The following AGBL4 variants were observed in gnomAD, a reference collection of about 807,000 sequenced individuals.
The protein encoded by AGBL4 is cytosolic carboxypeptidase 6.
Under a neutral mutation model 66.4 loss-of-function variants are expected in AGBL4, and 58 were observed. The ratio of observed to expected loss-of-function variants is 0.87; its 90% CI spans 0.71 to 1.09. The LOEUF is 1.09. Ranked by LOEUF, AGBL4 falls within the 50% of genes least tolerant of loss-of-function variation. The pLI is 0.00. For synonymous variants in AGBL4, 234 were observed against 222.9 expected, an observed-to-expected ratio of 1.05 and a Z score of -0.44; for missense variants, 579 against 631.0, an observed-to-expected ratio of 0.92 and a Z score of 0.88.
At chr1:49,002,236 G>A (rs1466187990) in intron 5 of AGBL4, among the ~76,000 whole-genome samples, 3 of 152,168 alleles carry the variant, frequency 2.0e-5, no homozygotes, top group Non-Finnish European at 4.4e-5. Flanking sequence ...CTTCTCAGAG[G>A]AGGCAGTATT....
chr1:48,581,568 C>A (rs190934443), intron 11 of AGBL4, among the ~76,000 whole-genome samples: 1 of 152,166 alleles, frequency 6.6e-6, no homozygotes, highest in Non-Finnish European at 1.5e-5. Flanking sequence ...TTTTTCAAAT[C>A]GTTTGAACAG....
At position 49,642,631 on chromosome 1, in the gene AGBL4, G is replaced by A. The variant is rs1018335572; in HGVS notation, c.282+54682C>T. ...AAAGGATTAAAAGGAACAAACCTTC[G>A]TGCTCACACTAGATGAAAAACCGTT... On this transcript the variant is annotated intron_variant, in intron 3 of 13. Coordinates refer to ENST00000371839, the MANE Select transcript of AGBL4 (RefSeq NM_032785.4). Among the ~76,000 whole-genome samples, 7 of 151,954 alleles carry A rather than the reference G, an allele frequency of 4.6e-5. No individual in the cohort carries two copies. The South Asian group carries it at 6.2e-4, about 14-fold the overall frequency.
intron 3 of AGBL4, among the ~76,000 whole-genome samples, chr1:49,384,476 C>A (rs1263221264): frequency 6.6e-6 from 1 of 151,596 alleles, no homozygotes; most frequent in East Asian, 2.0e-4. Flanking sequence ...ACCTGTAGGC[C>A]CAGCTACTTG....
intron 1 of AGBL4, among the ~76,000 whole-genome samples, chr1:49,927,221 T>A (rs892708962): frequency 6.6e-6 from 1 of 152,170 alleles, no homozygotes; most frequent in African/African-American, 2.4e-5. Context: ...ATCAATACTT[T>A]GCATCTACAA....
At chr1:48,871,765 G>A (rs933000585) in intron 5 of AGBL4, among the ~76,000 whole-genome samples, 1 of 152,062 alleles carries the variant, frequency 6.6e-6, no homozygotes, top group Admixed American at 6.6e-5. Context: ...GTCTATAGTG[G>A]ATGCTTGAGG....
chr1:48,538,719 T>C (rs1033481717), intron 12 of AGBL4, among the ~76,000 whole-genome samples: 3 of 152,208 alleles, frequency 2.0e-5, no homozygotes, highest in Non-Finnish European at 4.4e-5. Context: ...CTCTGTACAA[T>C]AAATAACGGT....
chr1:49,492,735 G>A (rs981004410), intron 3 of AGBL4, among the ~76,000 whole-genome samples: 24 of 151,962 alleles, frequency 1.6e-4, no homozygotes, highest in South Asian at 8.3e-4. Flanking sequence ...TCTATTTCCC[G>A]GCCAATTAGT....
chr1:49,495,893 G>A (rs1357908710), intron 3 of AGBL4, among the ~76,000 whole-genome samples: 1 of 151,980 alleles, frequency 6.6e-6, no homozygotes, highest in African/African-American at 2.4e-5. Context: ...GAGATCTTGG[G>A]AAGCCATTGG....
intron 3 of AGBL4, among the ~76,000 whole-genome samples, chr1:49,491,115 A>C (rs191691760): frequency 6.6e-6 from 1 of 151,836 alleles, no homozygotes; most frequent in Non-Finnish European, 1.5e-5. Flanking sequence ...CCTAATGTAC[A>C]GTTCATTTAA....
rs1649990891 is a variant in AGBL4 at position 49,518,268 on chromosome 1, C to T, written c.282+179045G>A. On this transcript the variant is annotated intron_variant, in intron 3 of 13. Coordinates refer to ENST00000371839, the MANE Select transcript of AGBL4 (RefSeq NM_032785.4). ...TCCTATCTATAAAAAATACTGAGAT[C>T]CAACACACTTTTCAAAAAGCTTCCC... Among the ~76,000 whole-genome samples the T allele has an allele frequency of 2.0e-5, 3 of 152,212 alleles. No homozygotes were observed. In the South Asian group the frequency reaches 6.2e-4, roughly 32 times the overall value.
intron 6 of AGBL4, among the ~76,000 whole-genome samples, chr1:48,741,100 GC>G (rs1206777041): frequency 6.6e-6 from 1 of 152,156 alleles, no homozygotes; most frequent in Non-Finnish European, 1.5e-5. Flanking sequence ...CTATCCATCA[GC>G]CTTCAAGGCA....
intron 4 of AGBL4, among the ~76,000 whole-genome samples, chr1:49,094,659 A>G (rs998655142): frequency 6.6e-6 from 1 of 152,088 alleles, no homozygotes; most frequent in African/African-American, 2.4e-5. Flanking sequence ...AAAACTCTCA[A>G]TAAATTAGGT....
chr1:49,759,574 A>G (rs954510441), intron 2 of AGBL4, among the ~76,000 whole-genome samples: 1 of 152,238 alleles, frequency 6.6e-6, no homozygotes, highest in Non-Finnish European at 1.5e-5. Context: ...TTGGTTCATT[A>G]TTTACAGCAA....
chr1:49,006,497 G>T (rs1467354747), intron 5 of AGBL4, among the ~76,000 whole-genome samples: 2 of 152,218 alleles, frequency 1.3e-5, no homozygotes, highest in African/African-American at 2.4e-5. Flanking sequence ...CAAAGCAGCG[G>T]GGAAGCTCGA....
At chr1:49,067,804 T>A (rs1571364555) in intron 4 of AGBL4, among the ~76,000 whole-genome samples, 1 of 152,120 alleles carries the variant, frequency 6.6e-6, no homozygotes. Context: ...ATGTGCACAA[T>A]GTGCAGTTTT....
chr1:49,361,117 T>C (rs1051566193), intron 3 of AGBL4, among the ~76,000 whole-genome samples: 2 of 152,200 alleles, frequency 1.3e-5, no homozygotes, highest in African/African-American at 4.8e-5. Flanking sequence ...CACTGTGTAT[T>C]TGAATAGTGG....
At chr1:48,525,244 AC>A in the AGBL4 span, among the ~76,000 whole-genome samples, 4 of 152,278 alleles carry the variant, frequency 2.6e-5, no homozygotes, top group Non-Finnish European at 2.9e-5. Flanking sequence ...AAAGTGAAAT[AC>A]CAAAGCCATT....
At chr1:49,752,578 T>C (rs1025071716) in intron 2 of AGBL4, among the ~76,000 whole-genome samples, 1 of 152,218 alleles carries the variant, frequency 6.6e-6, no homozygotes, top group Non-Finnish European at 1.5e-5. Flanking sequence ...TGTAGACGTC[T>C]ATTGGGTCCA....
At chr1:48,947,898 G>GT (rs200634667) in intron 5 of AGBL4, among the ~76,000 whole-genome samples, 5,198 of 142,404 alleles carry the variant, frequency 0.037, 276 homozygotes, top group African/African-American at 0.12. Flanking sequence ...TTTTTGTTTT[G>GT]TTTTTTTTTT....
Sources: allele counts gnomAD v4.1 joint callset (sites outside exome capture counted in the v4.1 genomes callset), GRCh38; gene constraint gnomAD v4.1.1; transcripts MANE v1.5; gene names NCBI Gene and HGNC (gene_info 2026-07-23, HGNC 2026-07-21).